The following PHACTR3 variants were observed in gnomAD, a reference collection of about 807,000 sequenced individuals.
PHACTR3 encodes phosphatase and actin regulator 3.
In PHACTR3, 16 loss-of-function variants were observed where a neutral mutation model predicts 66.8. The observed-to-expected ratio is 0.24, with a 90% CI of 0.16 to 0.36. The LOEUF is 0.36. Among genes scored for constraint, PHACTR3 ranks in the 10% least tolerant of loss-of-function variants. The pLI, the probability that PHACTR3 is intolerant of heterozygous loss-of-function variation, is 1.00. For missense variants in PHACTR3, 647 were observed against 719.9 expected (o/e 0.90, Z 1.16); for synonymous variants, 323 against 292.1 (o/e 1.11, Z -1.08).
At chr20:59,583,994 G>C (rs1377912831) in intron 1 of PHACTR3, among the ~76,000 whole-genome samples, 2 of 152,232 alleles carry the variant, frequency 1.3e-5, no homozygotes, top group Non-Finnish European at 2.9e-5. Flanking sequence ...CTACGAAGTG[G>C]GCCAGACCGG....
chr20:59,706,444 G>A (rs543678798), intron 1 of PHACTR3, among the ~76,000 whole-genome samples: 4 of 152,316 alleles, frequency 2.6e-5, no homozygotes, highest in African/African-American at 9.6e-5. Context: ...TTTTGCAAAG[G>A]TGGGAATGGG....
chr20:59,809,326 C>T (rs1407075532), intron 8 of PHACTR3, among the ~76,000 whole-genome samples: 2 of 152,156 alleles, frequency 1.3e-5, no homozygotes, highest in Non-Finnish European at 2.9e-5. Context: ...TGGGACAGCC[C>T]TGCCGCTCGG....
At chr20:59,782,591 G>T (rs1375351063) in intron 7 of PHACTR3, among the ~76,000 whole-genome samples, 1 of 152,178 alleles carries the variant, frequency 6.6e-6, no homozygotes, top group Non-Finnish European at 1.5e-5. Flanking sequence ...GCACCTGCCT[G>T]GGGAGGCCTC....
chr20:59,690,504 G>A lies in PHACTR3; in HGVS notation c.119-52603G>A, dbSNP rs570267597. On this transcript the variant is annotated intron_variant, in intron 1 of 12. Transcript: ENST00000371015. ...AAGGTCACATATAGCTTTAGCCTGT[G>A]TCCCAGGCCTTCAGCATGGTGCTTC... Among the ~76,000 whole-genome samples the A allele has an allele frequency of 2.4e-4, 36 of 152,322 alleles. No homozygotes were observed. The South Asian group carries it at 6.4e-3, about 27-fold the overall frequency.
At chr20:59,786,093 C>T (rs951085167) in intron 7 of PHACTR3, among the ~76,000 whole-genome samples, 1 of 152,236 alleles carries the variant, frequency 6.6e-6, no homozygotes, top group African/African-American at 2.4e-5. Flanking sequence ...GGTGTTTTGC[C>T]AGCTCCCTCC....
chr20:59,778,669 G>A (rs781594501), intron 7 of PHACTR3, among the ~76,000 whole-genome samples: 5 of 152,180 alleles, frequency 3.3e-5, no homozygotes, highest in Admixed American at 6.5e-5. Context: ...CACAGCTCAC[G>A]AGTGCTAAGT....
At chr20:59,719,620 A>G (rs569230582) in intron 1 of PHACTR3, among the ~76,000 whole-genome samples, 245 of 152,328 alleles carry the variant, frequency 1.6e-3, no homozygotes, top group Admixed American at 2.9e-3. Flanking sequence ...AGCATGGAAC[A>G]TGCAACCCCT....
At chr20:59,599,205 C>T (rs2033405984) in intron 1 of PHACTR3, among the ~76,000 whole-genome samples, 1 of 152,164 alleles carries the variant, frequency 6.6e-6, no homozygotes, top group Non-Finnish European at 1.5e-5. Flanking sequence ...TGGCTAGGCT[C>T]CGCCGTGCAC....
At chr20:59,585,724 TGGCAGGGA>T (rs1312307148) in intron 1 of PHACTR3, among the ~76,000 whole-genome samples, 2 of 152,144 alleles carry the variant, frequency 1.3e-5, no homozygotes, top group African/African-American at 4.8e-5. Context: ...GTGGGGTTGG[TGGCAGGGA>T]GGCCTCCTCT....
chr20:59,678,334 A>G (rs2036523084), intron 1 of PHACTR3, among the ~76,000 whole-genome samples: 1 of 152,168 alleles, frequency 6.6e-6, no homozygotes, highest in Non-Finnish European at 1.5e-5. Flanking sequence ...TTCTATTTTT[A>G]AAGTATAAAA....
chr20:59,743,275 G>A lies in PHACTR3; in HGVS notation c.280+7G>A, dbSNP rs376628816. 6.2e-7 allele frequency: 1 copy of A among 1,613,640 alleles called. No individual in the cohort carries two copies. Among genetic ancestry groups the A allele is most frequent in the Middle Eastern group, 1.7e-4 (1 of 6,054 alleles). ...CTGAAGCAGACAACGTCAGGTAAAG[G>A]CCTGGTGACAGGCGCGGGCAGGCTG... is the stretch of plus-strand genomic sequence containing the variant. On this transcript the variant is annotated splice_region_variant and intron_variant, in intron 2 of 12. Transcript: ENST00000371015.
At chr20:59,674,110 G>C (rs757681165) in intron 1 of PHACTR3, among the ~76,000 whole-genome samples, 2 of 152,132 alleles carry the variant, frequency 1.3e-5, no homozygotes, top group South Asian at 2.1e-4. Flanking sequence ...AGCCAGCCTC[G>C]GCTGTCAGTG....
intron 1 of PHACTR3, among the ~76,000 whole-genome samples, chr20:59,620,540 A>AG (rs2034192220): frequency 6.6e-6 from 1 of 152,176 alleles, no homozygotes; most frequent in Admixed American, 6.5e-5. Flanking sequence ...TCCCTAAATG[A>AG]GGGGTTGTCT....
At chr20:59,739,703 G>T (rs1459335081) in intron 1 of PHACTR3, among the ~76,000 whole-genome samples, 2 of 152,102 alleles carry the variant, frequency 1.3e-5, no homozygotes, top group Non-Finnish European at 2.9e-5. Context: ...TATAATTCAA[G>T]ATGAGATTTG....
chr20:59,604,934 C>T lies in PHACTR3; in HGVS notation c.-81C>T. On this transcript the variant is annotated 5_prime_UTR_variant, in exon 1 of 13. Transcript: ENST00000371015. ...TTTTAAAAAGACGCCCCCTCCAGCC[C>T]CCTCGCCGGTGACCTTGGCCGCCTC... The T allele has an allele frequency of 8.1e-7, 1 of 1,232,180 alleles. No homozygotes were observed. The highest frequency in any genetic ancestry group is 1.0e-6 in the Non-Finnish European group (1 of 986,702). 76.3% of individuals were successfully genotyped at this position (1,232,180 alleles called of 1,614,324 possible).
At chr20:59,600,762 G>A (rs969732884), upstream of PHACTR3, among the ~76,000 whole-genome samples, 1 of 152,186 alleles carries the variant, frequency 6.6e-6, no homozygotes, top group African/African-American at 2.4e-5. Context: ...CCTGAGTCAG[G>A]AAATGGCTTT....
chr20:59,813,036 A>G (rs1377723043), intron 8 of PHACTR3, among the ~76,000 whole-genome samples: 2 of 152,178 alleles, frequency 1.3e-5, no homozygotes, highest in African/African-American at 4.8e-5. Flanking sequence ...CGGGAAGCTG[A>G]TGATACACTA....
intron 8 of PHACTR3, among the ~76,000 whole-genome samples, chr20:59,812,878 A>T (rs74612039): frequency 0.021 from 3,229 of 152,190 alleles, 109 homozygotes; most frequent in African/African-American, 0.073. Flanking sequence ...TGCTCTGCAG[A>T]TGAGGAGACT....
At chr20:59,836,274 G>A (rs1249103793) in intron 8 of PHACTR3, 3 of 508,786 alleles carry the variant, frequency 5.9e-6, no homozygotes, top group East Asian at 7.2e-5. Flanking sequence ...TGGAGCTGGA[G>A]CAAGGACTAG....
Sources: allele counts gnomAD v4.1 joint callset (sites outside exome capture counted in the v4.1 genomes callset), GRCh38; gene constraint gnomAD v4.1.1; transcripts MANE v1.5; gene names NCBI Gene and HGNC (gene_info 2026-07-23, HGNC 2026-07-21).